The following NAV2 variants were observed in gnomAD, a reference collection of about 807,000 sequenced individuals.
NAV2 encodes helicase, APC down-regulated 1.
In NAV2, 54 loss-of-function variants were observed where a neutral mutation model predicts 223.2. The ratio of observed to expected loss-of-function variants is 0.24; its 90% confidence interval spans 0.19 to 0.30. The LOEUF (loss-of-function observed/expected upper bound fraction) is 0.30, where lower values mean the gene tolerates loss of function less well. NAV2 is among the 10% of genes least tolerant of loss of function. NAV2 has a pLI of 1.00. For synonymous variants in NAV2, 1,279 were observed against 1,239.3 expected (o/e 1.03, Z -0.67); for missense variants, 2,806 against 3,147.5 (o/e 0.89, Z 2.60).
rs1457892506 is a variant in NAV2 at position 19,879,800 on chromosome 11, G to A, written c.512-69G>A. 1.1e-5 allele frequency: 17 copies of A among 1,584,564 alleles called. No individual in the cohort carries two copies. In the East Asian group the frequency reaches 2.2e-4, roughly 21 times the overall value. ...CCTAAAGAAATCAAACTCACGTGCC[G>A]ACTGAAACAGCCCATTGAACAGGAA... On this transcript the variant is annotated intron_variant, in intron 4 of 37. Coordinates refer to ENST00000349880, the MANE Select transcript of NAV2 (RefSeq NM_145117.5).
chr11:19,555,910 G>C (rs1041727239), intron 1 of NAV2, among the ~76,000 whole-genome samples: 2 of 148,830 alleles, frequency 1.3e-5, no homozygotes, highest in African/African-American at 4.9e-5. Flanking sequence ...CTAGAGTTCA[G>C]CCTGTGCTTA....
Position 19,713,525 on chromosome 11 carries a change from T to C in NAV2, c.-171T>C. The C allele has an allele frequency of 1.4e-6, 2 of 1,394,010 alleles. No individual in the cohort carries two copies. Among genetic ancestry groups the C allele is most frequent in the Admixed American group, 6.2e-5 (2 of 32,064 alleles). The allele number at this position is 1,394,010 out of a possible 1,614,324, so 86.4% of individuals were successfully genotyped here. A position where few individuals can be genotyped will look rare whatever the true frequency, so the allele number is the denominator to read the frequency against. Reference sequence around the variant, plus strand: ...CCATCCCGGCACCCCAAAGGCGCGCTCGCCCGATTGCTTCGAGTTCCCCGA... The same window carrying C: ...CCATCCCGGCACCCCAAAGGCGCGCCCGCCCGATTGCTTCGAGTTCCCCGA... On this transcript the variant is annotated 5_prime_UTR_variant, in exon 1 of 38. Coordinates refer to ENST00000349880, the MANE Select transcript of NAV2 (RefSeq NM_145117.5). This position sits in a 1 kb window ranked among gnomAD's most constrained non-coding sequence, Gnocchi z 7.2.
chr11:19,502,539 A>T (rs2042993339), intron 1 of NAV2: 2 of 152,214 alleles, frequency 1.3e-5, no homozygotes. Context: ...CTTGGAGTCC[A>T]GCCTCACTTG....
intron 20 of NAV2, among the ~76,000 whole-genome samples, chr11:20,066,838 T>C (rs1454048196): frequency 5.9e-5 from 9 of 152,248 alleles, no homozygotes; most frequent in Non-Finnish European, 1.3e-4. Context: ...CTCACCTATC[T>C]GGTTCCCAAG....
chr11:19,429,070 G>A (rs909522466), intron 1 of NAV2, among the ~76,000 whole-genome samples: 2 of 152,308 alleles, frequency 1.3e-5, no homozygotes, highest in South Asian at 2.1e-4. Context: ...TTTTCTACCC[G>A]ATTGCACAAG....
intron 1 of NAV2, among the ~76,000 whole-genome samples, chr11:19,400,121 G>C (rs1404343700): frequency 6.6e-6 from 1 of 152,182 alleles, no homozygotes; most frequent in East Asian, 1.9e-4. Flanking sequence ...GAATGTGTAG[G>C]AAAGTGTGAA....
chr11:20,053,962 TA>T (rs898382752), intron 17 of NAV2, 117 bp from the exon 18 acceptor site: 29 of 1,114,434 alleles, frequency 2.6e-5, no homozygotes, highest in Non-Finnish European at 3.0e-5. Flanking sequence ...GATCTGATTT[TA>T]AAAAAAATCA....
chr11:19,905,893 T>C (rs1283930705), intron 6 of NAV2, among the ~76,000 whole-genome samples: 1 of 152,136 alleles, frequency 6.6e-6, no homozygotes, highest in Non-Finnish European at 1.5e-5. Context: ...ATAATAAAAC[T>C]TGTGGGAGCG....
At chr11:19,510,496 T>C (rs1590366923) in intron 1 of NAV2, among the ~76,000 whole-genome samples, 1 of 152,346 alleles carries the variant, frequency 6.6e-6, no homozygotes, top group Admixed American at 6.5e-5. Context: ...GCTGAGCCCT[T>C]ATGTCGGGCG....
chr11:19,880,121 A>G lies in NAV2; in HGVS notation c.764A>G (p.Gln255Arg). ...CAGTCAAAAGCACAAGCTGAAATGCAGTCCAGGTGGGGGCTCCTTGCCAAC... is the reference window on the plus strand; with the variant it reads ...CAGTCAAAAGCACAAGCTGAAATGCGGTCCAGGTGGGGGCTCCTTGCCAAC... ...HQQSKAQAEM[Q>R]SRLPGPTARV... The change falls in exon 5 of 38, where the codon CAG becomes CGG. Residue 255 changes from glutamine (Q) to arginine (R), a missense_variant. Coordinates refer to ENST00000349880, the MANE Select transcript of NAV2 (RefSeq NM_145117.5). The G allele has an allele frequency of 6.3e-7, 1 of 1,580,988 alleles. No individual in the cohort carries two copies. Among genetic ancestry groups the G allele is most frequent in the Non-Finnish European group, 8.6e-7 (1 of 1,162,496 alleles).
rs2134897533 is a variant in NAV2, at chr11:19,571,254, T to G, written c.75+220227T>G. ...TAGGCAAATCCATGAGAGACAAAAG[T>G]AGGTTAGTTGTTGCCAGGGGCAAAG... On this transcript the variant is annotated intron_variant, in intron 1 of 37. Coordinates refer to the NAV2 transcript ENST00000360655. Among the ~76,000 whole-genome samples, 3 of 152,246 alleles carry G rather than the reference T, an allele frequency of 2.0e-5. No homozygotes were observed. The South Asian group carries it at 6.2e-4, about 32-fold the overall frequency.
At chr11:19,904,778 C>T (rs948267283) in intron 6 of NAV2, among the ~76,000 whole-genome samples, 2 of 152,160 alleles carry the variant, frequency 1.3e-5, no homozygotes, top group Admixed American at 6.5e-5. Flanking sequence ...AATAGGCTCT[C>T]TTGAGAGTAG....
intron 11 of NAV2, among the ~76,000 whole-genome samples, chr11:19,992,809 G>C (rs985958814): frequency 6.6e-6 from 1 of 152,066 alleles, no homozygotes; most frequent in Non-Finnish European, 1.5e-5. Context: ...GGCCAGGCTG[G>C]TCTTGAACTC....
intron 1 of NAV2, among the ~76,000 whole-genome samples, chr11:19,700,790 A>G (rs186282971): frequency 9.5e-4 from 145 of 152,284 alleles, no homozygotes; most frequent in Middle Eastern, 6.8e-3. Flanking sequence ...TTATACATTC[A>G]CTGATGTGGT....
intron 11 of NAV2, chr11:20,023,167 G>T: frequency 6.5e-7 from 1 of 1,544,414 alleles, no homozygotes; most frequent in Non-Finnish European, 8.8e-7. Context: ...GGGGCCAGGG[G>T]GTGGGTGTGG....
intron 1 of NAV2, among the ~76,000 whole-genome samples, chr11:19,820,352 G>GA (rs1396475724): frequency 6.6e-6 from 1 of 152,236 alleles, no homozygotes; most frequent in Non-Finnish European, 1.5e-5. Context: ...AACACAGGGA[G>GA]AAAAAACACT....
intron 1 of NAV2, among the ~76,000 whole-genome samples, chr11:19,454,630 C>A (rs1224843734): frequency 6.6e-6 from 1 of 152,134 alleles, no homozygotes; most frequent in African/African-American, 2.4e-5. Flanking sequence ...CAAGACAGAC[C>A]CAGTCCTTCT....
At chr11:19,864,422 G>C (rs1397258090) in intron 3 of NAV2, among the ~76,000 whole-genome samples, 1 of 152,338 alleles carries the variant, frequency 6.6e-6, no homozygotes, top group South Asian at 2.1e-4. Flanking sequence ...AGCTACCAGG[G>C]AGATATATAG....
intron 1 of NAV2, among the ~76,000 whole-genome samples, chr11:19,421,530 T>G (rs1443267668): frequency 1.3e-5 from 2 of 152,180 alleles, no homozygotes; most frequent in Non-Finnish European, 2.9e-5. Context: ...ACTAAACCCT[T>G]GATATTATGT....
Sources: gnomAD v4.1 joint callset for allele counts (sites outside exome capture counted in the v4.1 genomes callset) on GRCh38, gnomAD v4.1.1 for gene constraint, Gnocchi (gnomAD v3.1) non-coding constraint, MANE v1.5 for transcripts, NCBI Gene and HGNC (gene_info 2026-07-23, HGNC 2026-07-21) for gene names.